The following NLRP4 variants were observed in gnomAD, a reference collection of about 807,000 sequenced individuals.
NLRP4 encodes the protein NLR family pyrin domain containing 4, also known as NACHT, LRR and PYD domains-containing protein 4.
In NLRP4, 44 loss-of-function variants were observed where a neutral mutation model predicts 84.7. That is an observed-to-expected ratio of 0.52 (90% confidence interval 0.41 to 0.67). NLRP4 has a LOEUF of 0.67. Among genes scored for constraint, NLRP4 ranks in the 30% least tolerant of loss-of-function variants. NLRP4 has a pLI of 0.00. For synonymous variants in NLRP4, 544 were observed against 476.4 expected (o/e 1.14, Z -1.85); for missense variants, 1,260 against 1,219.4 (o/e 1.03, Z -0.50).
At chr19:55,848,751 G>C (rs1983901482) in intron 1 of NLRP4, among the ~76,000 whole-genome samples, 1 of 152,162 alleles carries the variant, frequency 6.6e-6, no homozygotes, top group African/African-American at 2.4e-5. Context: ...ACATGATACG[G>C]TTTGGCTGTG....
intron 1 of NLRP4, among the ~76,000 whole-genome samples, chr19:55,847,950 C>T (rs565146681): frequency 1.3e-4 from 20 of 152,184 alleles, no homozygotes; most frequent in East Asian, 1.2e-3. Context: ...CTCCTGACCT[C>T]GTGATCTGCC....
At chr19:55,850,211 GTGGCTGCGGTGT>G (rs1376185151) in intron 1 of NLRP4, among the ~76,000 whole-genome samples, 7 of 142,368 alleles carry the variant, frequency 4.9e-5, no homozygotes, top group African/African-American at 1.7e-4. Flanking sequence ...TGTAATTTCC[GTGGCTGCGGTGT>G]AATTTCCGTG....
chr19:55,849,989 CCGAGACTGCGGTGTGATTT>C, intron 1 of NLRP4, among the ~76,000 whole-genome samples: 1 of 26,626 alleles, frequency 3.8e-5, no homozygotes, highest in Non-Finnish European at 1.6e-4. Context: ...GGTGTAATTT[CCGAGACTGCGGTGTGATTT>C]CCGAGACTGC....
intron 1 of NLRP4, among the ~76,000 whole-genome samples, chr19:55,845,982 A>T (rs1983779783): frequency 6.6e-6 from 1 of 151,662 alleles, no homozygotes; most frequent in African/African-American, 2.4e-5. Flanking sequence ...TTGCCTGATC[A>T]CTCTGATGGT....
chr19:55,849,048 A>G (rs779562976), intron 1 of NLRP4, among the ~76,000 whole-genome samples: 9 of 152,146 alleles, frequency 5.9e-5, no homozygotes, highest in Non-Finnish European at 2.9e-5. Context: ...TTCTTTATAA[A>G]TTACCCAGTC....
rs575780753 is a variant in NLRP4 at position 55,864,944 on chromosome 19, G to T, written c.2187-2765G>T. On this transcript the variant is annotated intron_variant, in intron 5 of 9. Transcript: ENST00000301295. ...TTAAAAACTTTTATTTTACATTCAG[G>T]GGTACAGGTTTTTAAACATTTAAAA... Among the ~76,000 whole-genome samples the T allele has an allele frequency of 2.7e-4, 41 of 151,900 alleles. No homozygotes were observed. The South Asian group carries it at 7.9e-3, about 29-fold the overall frequency.
chr19:55,861,845 A>T (rs1228938061), intron 4 of NLRP4, 147 bp from the exon 5 acceptor site: 3 of 686,568 alleles, frequency 4.4e-6, no homozygotes, highest in Non-Finnish European at 2.5e-6. Context: ...TGGGGGCAAA[A>T]TCTCTCAAGT....
Position 55,858,876 on chromosome 19 carries a change from C to T in NLRP4, c.1483C>T (p.His495Tyr), listed in dbSNP as rs1460866271. Residue 495 changes from histidine (H) to tyrosine (Y), a missense_variant, in exon 3 of 10, where the codon CAT becomes TAT. Physicochemically the swap from His to Tyr is moderately conservative, Grantham distance 83 (BLOSUM62 2). Transcript: ENST00000301295. The surrounding 1 kb of genome is among the most constrained non-coding windows in gnomAD (Gnocchi z 4.2). ...VANFEKARRA[H>Y]WIFLGCFLTG... Reference sequence around the variant, plus strand: ...CAATTTTGAAAAAGCAAGGAGAGCACATTGGATTTTTTTGGGGTGTTTTCT... The same window carrying T: ...CAATTTTGAAAAAGCAAGGAGAGCATATTGGATTTTTTTGGGGTGTTTTCT... 1.2e-6 allele frequency: 2 copies of T among 1,613,982 alleles called. No homozygotes were observed. The highest frequency in any genetic ancestry group is 1.7e-6 in the Non-Finnish European group (2 of 1,180,014).
chr19:55,873,210 A>G (rs767265666), intron 7 of NLRP4, among the ~76,000 whole-genome samples: 11 of 152,248 alleles, frequency 7.2e-5, no homozygotes, highest in Non-Finnish European at 1.6e-4. Context: ...AGAGAGGGGT[A>G]GATCTCTGGA....
rs867718581 is a variant in NLRP4 at position 55,852,305 on chromosome 19, C to T, written c.225C>T (p.Ile75=). ...AAGCTTGGAACATAACCTTAAGAAT[C>T]TTTCAAAAGATGGATAGAAAGGATC... is the stretch of plus-strand genomic sequence containing the variant. ...EQQAWNITLR[I]FQKMDRKDLC... Residue 75 remains isoleucine (I), a synonymous_variant, in exon 2 of 10, where the codon ATC becomes ATT. Coordinates refer to ENST00000301295, the MANE Select transcript of NLRP4 (RefSeq NM_134444.5). 4 of 1,606,214 alleles carry T rather than the reference C, an allele frequency of 2.5e-6. No individual in the cohort carries two copies. In the African/African-American group the frequency reaches 4.0e-5, roughly 16 times the overall value.
rs1179409231 is a variant in NLRP4 at position 55,867,710 on chromosome 19, C to G, written c.2188C>G (p.Leu730Val). 1 of 1,612,514 alleles carries G rather than the reference C, an allele frequency of 6.2e-7. No homozygotes were observed. The highest frequency in any genetic ancestry group is 1.1e-5 in the South Asian group (1 of 90,894). ...YPAGNVKELA[L>V]VNCHLSPIDC... ...TGTGACATTTTCCCTTTCCTGCAGG[C>G]TGGTAAATTGTCACCTCTCACCCAT... The change falls in exon 6 of 10, where the codon CTG becomes GTG. Residue 730 changes from leucine to valine, a missense_variant and splice_region_variant. Coordinates refer to ENST00000301295, the MANE Select transcript of NLRP4 (RefSeq NM_134444.5).
At position 55,876,989 on chromosome 19, in the gene NLRP4, T is replaced by A. The variant is rs777173997; in HGVS notation, c.2526-7T>A. 14 of 1,612,154 alleles carry A rather than the reference T, an allele frequency of 8.7e-6. 1 individual carries two copies. The Admixed American group carries it at 2.3e-4, about 27-fold the overall frequency. ...CCTTTAAGCATGGTACCCTTACTCC[T>A]TTGCAGTTTGGTAAAATGTTTTATC... On this transcript the variant is annotated splice_polypyrimidine_tract_variant and splice_region_variant and intron_variant, in intron 7 of 9. Transcript: ENST00000301295.
rs1489038353 is a variant in NLRP4, at chr19:55,857,897, G to A, written c.504G>A (p.Leu168=). 29 of 1,614,054 alleles carry A rather than the reference G, an allele frequency of 1.8e-5. No homozygotes were observed. The highest frequency in any genetic ancestry group is 2.4e-5 in the Non-Finnish European group (28 of 1,180,016). The change falls in exon 3 of 10, where the codon CTG becomes CTA. Residue 168 remains leucine, a synonymous_variant. Transcript: ENST00000301295. ...GAAAAACGACACTCCTGATGAAGCT[G>A]ATGATGGCCTGGTCGGACAACAAGA... ...GIGKTTLLMK[L]MMAWSDNKIF... is the part of the protein sequence containing the mutation.
intron 5 of NLRP4, among the ~76,000 whole-genome samples, chr19:55,867,493 C>T (rs1036442279): frequency 6.0e-5 from 9 of 149,062 alleles, no homozygotes; most frequent in East Asian, 2.0e-4. Flanking sequence ...CCCCAGAGAC[C>T]GTAAGCCAAG....
rs1568653449 is a variant in NLRP4, at chr19:55,840,334, G to A, written c.-66+3400G>A. ...CGGGGGTGTGTGTGTATAGACATAT[G>A]TGTATGTGTATGTGTGTGTGTGTGT... On this transcript the variant is annotated intron_variant, in intron 1 of 9. Coordinates refer to ENST00000301295, the MANE Select transcript of NLRP4 (RefSeq NM_134444.5). Among the ~76,000 whole-genome samples the A allele has an allele frequency of 4.2e-5, 5 of 120,282 alleles. 1 individual carries two copies. Among genetic ancestry groups the A allele is most frequent in the African/African-American group, 1.0e-4 (3 of 29,552 alleles). 78.9% of individuals were successfully genotyped at this position (120,282 alleles called of 152,430 possible).
intron 3 of NLRP4, among the ~76,000 whole-genome samples, chr19:55,859,935 A>C (rs1326695033): frequency 7.5e-6 from 1 of 134,074 alleles, no homozygotes; most frequent in African/African-American, 2.7e-5. Context: ...CCAAAAAAAA[A>C]AAAAAAAAAA....
Position 55,858,087 on chromosome 19 carries a change from A to G in NLRP4, c.694A>G (p.Ser232Gly), listed in dbSNP as rs954707203. 7 of 1,614,146 alleles carry G rather than the reference A, an allele frequency of 4.3e-6. No homozygotes were observed. Among genetic ancestry groups the G allele is most frequent in the Non-Finnish European group, 4.2e-6 (5 of 1,180,028 alleles). The part of the protein sequence containing the change: ...QPERLLFVID[S>G]FEELQGGLNE... ...GGAGAGACTCTTGTTCGTCATCGACAGCTTCGAAGAGCTGCAGGGCGGCTT... is the reference window on the plus strand; with the variant it reads ...GGAGAGACTCTTGTTCGTCATCGACGGCTTCGAAGAGCTGCAGGGCGGCTT... Residue 232 changes from serine (S) to glycine (G), a missense_variant, in exon 3 of 10, where the codon AGC becomes GGC. Transcript: ENST00000301295. This position sits in a 1 kb window ranked among gnomAD's most constrained non-coding sequence, Gnocchi z 4.2.
chr19:55,847,876 G>A (rs111988347), intron 1 of NLRP4, among the ~76,000 whole-genome samples: 44 of 151,970 alleles, frequency 2.9e-4, no homozygotes, highest in Non-Finnish European at 4.7e-4. Context: ...CACCACGCCC[G>A]GCTAATTTTT....
intron 3 of NLRP4, 94 bp from the exon 4 acceptor site, chr19:55,861,292 T>G (rs1984739793): frequency 9.5e-7 from 1 of 1,058,054 alleles, no homozygotes; most frequent in Non-Finnish European, 1.4e-6. Flanking sequence ...CTCAGACATC[T>G]TCTGTTTGAG....
Sources: gnomAD v4.1 joint callset for allele counts (sites outside exome capture counted in the v4.1 genomes callset) on GRCh38, gnomAD v4.1.1 for gene constraint, Gnocchi (gnomAD v3.1) non-coding constraint, MANE v1.5 for transcripts, NCBI Gene and HGNC (gene_info 2026-07-23, HGNC 2026-07-21) for gene names.